Variants in C1orf21 observed in about 807,000 individuals in gnomAD.
C1orf21 encodes the protein chromosome 1 open reading frame 21.
In C1orf21, 3 loss-of-function variants were observed where a neutral mutation model predicts 18.7. The ratio of observed to expected loss-of-function variants is 0.16; its 90% CI spans 0.07 to 0.42. The LOEUF is 0.42. C1orf21 is among the 10% of genes least tolerant of loss of function. The pLI, the probability that C1orf21 is intolerant of heterozygous loss-of-function variation, is 0.99. For missense variants in C1orf21, 104 were observed against 143.6 expected, an observed-to-expected ratio of 0.72 and a Z score of 1.41; for synonymous variants, 41 against 46.4, an observed-to-expected ratio of 0.88 and a Z score of 0.47.
intron 3 of C1orf21, among the ~76,000 whole-genome samples, chr1:184,556,873 T>G (rs1658886114): frequency 6.6e-6 from 1 of 152,236 alleles, no homozygotes; most frequent in African/African-American, 2.4e-5. Context: ...TTTCTATTTT[T>G]TGTCCAACTG....
At chr1:184,507,566 G>C in intron 2 of C1orf21, 22 bp from the exon 3 acceptor site, 1 of 1,561,504 alleles carries the variant, frequency 6.4e-7, no homozygotes, top group Non-Finnish European at 8.6e-7. Context: ...TATAAAATGT[G>C]TTTTCTTTTT....
At chr1:184,567,037 T>C (rs749214) in intron 3 of C1orf21, 263,465 of 510,442 alleles carry the variant, frequency 0.52, 72,678 homozygotes, top group African/African-American at 0.88. Flanking sequence ...ACGGGAACAT[T>C]GTCTGTGTAC....
intron 2 of C1orf21, among the ~76,000 whole-genome samples, chr1:184,499,018 A>G (rs1235704927): frequency 6.6e-6 from 1 of 152,172 alleles, no homozygotes; most frequent in African/African-American, 2.4e-5. Context: ...TAAATGGGTT[A>G]TATGTGAAAC....
intron 5 of C1orf21, among the ~76,000 whole-genome samples, chr1:184,607,932 T>C (rs1429409641): frequency 6.6e-6 from 1 of 152,204 alleles, no homozygotes; most frequent in African/African-American, 2.4e-5. Context: ...AGTTTTTACA[T>C]GGCATATTTA....
At chr1:184,390,218 G>T (rs1226162485) in intron 1 of C1orf21, among the ~76,000 whole-genome samples, 1 of 152,186 alleles carries the variant, frequency 6.6e-6, no homozygotes, top group Non-Finnish European at 1.5e-5. Context: ...TGTTTAGCTG[G>T]TATCTTAGAG....
chr1:184,504,849 C>T (rs897189778), intron 2 of C1orf21, among the ~76,000 whole-genome samples: 1 of 152,156 alleles, frequency 6.6e-6, no homozygotes, highest in Non-Finnish European at 1.5e-5. Flanking sequence ...ACCACGTTGG[C>T]TAGCCAGCCA....
intron 3 of C1orf21, among the ~76,000 whole-genome samples, chr1:184,589,191 A>G (rs375365860): frequency 1.3e-5 from 2 of 152,252 alleles, no homozygotes; most frequent in East Asian, 3.8e-4. Context: ...TGAAAGAGAA[A>G]GAGGATAAGG....
intron 1 of C1orf21, among the ~76,000 whole-genome samples, chr1:184,433,412 A>C (rs1354908603): frequency 1.3e-5 from 2 of 152,090 alleles, no homozygotes; most frequent in Non-Finnish European, 2.9e-5. Context: ...GTCTTTGTAA[A>C]GTGCAGATCT....
intron 5 of C1orf21, among the ~76,000 whole-genome samples, chr1:184,604,475 C>A (rs1027313111): frequency 6.6e-6 from 1 of 152,152 alleles, no homozygotes; most frequent in African/African-American, 2.4e-5. Context: ...ATTTCTTGCT[C>A]CATGGTAAAC....
At chr1:184,588,178 TG>T (rs1357465382) in intron 3 of C1orf21, among the ~76,000 whole-genome samples, 1 of 152,202 alleles carries the variant, frequency 6.6e-6, no homozygotes, top group African/African-American at 2.4e-5. Context: ...ACCTGGTATT[TG>T]GTAAATCATT....
chr1:184,565,673 C>T (rs1659025257), intron 3 of C1orf21, among the ~76,000 whole-genome samples: 1 of 152,252 alleles, frequency 6.6e-6, no homozygotes, highest in Non-Finnish European at 1.5e-5. Flanking sequence ...ATTTCTCTCA[C>T]GAAGTCAGTT....
At chr1:184,530,396 TTGATGATGACAATGA>T (rs1658441869) in intron 3 of C1orf21, among the ~76,000 whole-genome samples, 1 of 152,080 alleles carries the variant, frequency 6.6e-6, no homozygotes, top group Non-Finnish European at 1.5e-5. Flanking sequence ...AGTGATAGCT[TTGATGATGACAATGA>T]TGATGATGAC....
chr1:184,609,768 C>G (rs573801761), intron 5 of C1orf21, among the ~76,000 whole-genome samples: 1 of 151,964 alleles, frequency 6.6e-6, no homozygotes, highest in East Asian at 1.9e-4. Flanking sequence ...TACAAGATAA[C>G]GTTAAGTGAA....
chr1:184,403,439 G>A (rs1656196545), intron 1 of C1orf21, among the ~76,000 whole-genome samples: 1 of 152,164 alleles, frequency 6.6e-6, no homozygotes, highest in South Asian at 2.1e-4. Context: ...GAAAAGCAGG[G>A]GAAGATTAAC....
chr1:184,539,200 A>G (rs373121423), intron 3 of C1orf21, among the ~76,000 whole-genome samples: 1 of 152,330 alleles, frequency 6.6e-6, no homozygotes, highest in East Asian at 1.9e-4. Context: ...AGTGTTTATC[A>G]TGAAAGGGTG....
intron 3 of C1orf21, among the ~76,000 whole-genome samples, chr1:184,580,869 C>G (rs1659265384): frequency 6.6e-6 from 1 of 152,182 alleles, no homozygotes; most frequent in African/African-American, 2.4e-5. Context: ...GAAATCCATG[C>G]ATATTTTTTT....
At chr1:184,515,931 G>A (rs1028503400) in intron 3 of C1orf21, among the ~76,000 whole-genome samples, 2 of 152,136 alleles carry the variant, frequency 1.3e-5, no homozygotes, top group Non-Finnish European at 1.5e-5. Flanking sequence ...TCCTGCCTCA[G>A]CCTCCTGAGT....
intron 3 of C1orf21, among the ~76,000 whole-genome samples, chr1:184,554,968 A>G (rs1658858264): frequency 6.6e-6 from 1 of 152,206 alleles, no homozygotes; most frequent in Non-Finnish European, 1.5e-5. Context: ...AGCTGGCTAG[A>G]GTAGCCTCTA....
chr1:184,511,056 C>T lies in C1orf21; in HGVS notation c.189+3374C>T, dbSNP rs139629675. ...ATGCCAAGATTTAGACCCGCTGGAA[C>T]GATGATGAGTTGGTGGTGGTGAGAG... On this transcript the variant is annotated intron_variant, in intron 3 of 5. Coordinates refer to ENST00000235307, the MANE Select transcript of C1orf21 (RefSeq NM_030806.4). Among the ~76,000 whole-genome samples the T allele has an allele frequency of 1.1e-3, 167 of 152,210 alleles. 1 individual carries two copies. Among genetic ancestry groups the T allele is most frequent in the African/African-American group, 3.8e-3 (158 of 41,524 alleles).
Sources: allele counts gnomAD v4.1 joint callset (sites outside exome capture counted in the v4.1 genomes callset), GRCh38; gene constraint gnomAD v4.1.1; transcripts MANE v1.5; gene names NCBI Gene and HGNC (gene_info 2026-07-23, HGNC 2026-07-21).